The following C1GALT1 variants were observed in gnomAD, a reference collection of about 807,000 sequenced individuals.
The protein encoded by C1GALT1 is core 1 synthase, glycoprotein-N-acetylgalactosamine 3-beta-galactosyltransferase 1.
In C1GALT1, 11 loss-of-function variants were observed where a neutral mutation model predicts 31.0. The ratio of observed to expected loss-of-function variants is 0.36; its 90% CI spans 0.22 to 0.59. C1GALT1 has a LOEUF of 0.59. Among genes scored for constraint, C1GALT1 ranks in the 20% least tolerant of loss-of-function variants. The pLI is 0.79. For missense variants in C1GALT1, 424 were observed against 425.2 expected (o/e 1.00, Z 0.03); for synonymous variants, 175 against 143.6 (o/e 1.22, Z -1.56).
At chr7:7,223,278 C>T (rs1782596017) in intron 1 of C1GALT1, among the ~76,000 whole-genome samples, 1 of 152,184 alleles carries the variant, frequency 6.6e-6, no homozygotes, top group South Asian at 2.1e-4. Context: ...CCTGCTTCAA[C>T]CTCCCCAGTA....
chr7:7,208,702 T>G lies in C1GALT1; in HGVS notation c.-17-25601T>G, dbSNP rs547891913. Among the ~76,000 whole-genome samples the G allele has an allele frequency of 7.2e-4, 109 of 152,284 alleles. 2 individuals are homozygous for G. The highest frequency in any genetic ancestry group is 6.5e-3 in the Admixed American group (99 of 15,298). On this transcript the variant is annotated intron_variant, in intron 1 of 3. Coordinates refer to ENST00000436587, the MANE Select transcript of C1GALT1 (RefSeq NM_020156.5). ...GCACCTATATCTTCGTGATCAGAAGTAGCAGTCAACAGTCAGAACACCCAT... is the reference window on the plus strand; with the variant it reads ...GCACCTATATCTTCGTGATCAGAAGGAGCAGTCAACAGTCAGAACACCCAT...
chr7:7,231,087 A>C (rs1327623314), intron 1 of C1GALT1, among the ~76,000 whole-genome samples: 1 of 152,162 alleles, frequency 6.6e-6, no homozygotes, highest in Non-Finnish European at 1.5e-5. Context: ...TTTTCTGAAC[A>C]TGTTTTTAAG....
intron 1 of C1GALT1, among the ~76,000 whole-genome samples, chr7:7,199,163 TGTG>T (rs1034948694): frequency 2.6e-5 from 4 of 152,360 alleles, no homozygotes; most frequent in African/African-American, 7.2e-5. Flanking sequence ...TGCTTTCTCT[TGTG>T]GTCATTTAGT....
chr7:7,160,587 G>A (rs1780323860), intron 2 of C1GALT1, among the ~76,000 whole-genome samples: 1 of 152,130 alleles, frequency 6.6e-6, no homozygotes, highest in Admixed American at 6.6e-5. Context: ...AATTGTCTAT[G>A]TGTCTGCTAA....
intron 2 of C1GALT1, among the ~76,000 whole-genome samples, chr7:7,173,801 G>C (rs1780478111): frequency 6.6e-6 from 1 of 152,160 alleles, no homozygotes; most frequent in South Asian, 2.1e-4. Context: ...TACTCGGGAG[G>C]CTGAGACAGG....
At chr7:7,211,205 T>G (rs1172982966) in intron 1 of C1GALT1, among the ~76,000 whole-genome samples, 1 of 152,060 alleles carries the variant, frequency 6.6e-6, no homozygotes, top group Non-Finnish European at 1.5e-5. Context: ...GGCCCAGATA[T>G]CAATACAAGA....
intron 1 of C1GALT1, among the ~76,000 whole-genome samples, chr7:7,223,733 T>G (rs1370973302): frequency 6.6e-6 from 1 of 152,202 alleles, no homozygotes; most frequent in Non-Finnish European, 1.5e-5. Flanking sequence ...TCCATTACAA[T>G]CTATATGCCT....
intron 1 of C1GALT1, among the ~76,000 whole-genome samples, chr7:7,210,740 TTCCAGGAACATGTAGGGCAAGGGC>T (rs1197667630): frequency 1.3e-5 from 2 of 152,148 alleles, no homozygotes; most frequent in Non-Finnish European, 2.9e-5. Context: ...CTCGTCGGGA[TTCCAGGAACATGTAGGGCAAGGGC>T]AAGAAGGCTG....
intron 2 of C1GALT1, among the ~76,000 whole-genome samples, chr7:7,159,521 C>T (rs78931358): frequency 0.022 from 3,288 of 152,106 alleles, 113 homozygotes; most frequent in African/African-American, 0.075. Context: ...TGTTGGACTG[C>T]GCTGATTTGT....
At chr7:7,158,442 C>T (rs12536325) in intron 2 of C1GALT1, among the ~76,000 whole-genome samples, 2 of 151,906 alleles carry the variant, frequency 1.3e-5, no homozygotes, top group Non-Finnish European at 2.9e-5. Flanking sequence ...TTCACTAGCA[C>T]GTGGCCCGAG....
intron 1 of C1GALT1, among the ~76,000 whole-genome samples, chr7:7,197,154 A>C (rs958452037): frequency 1.1e-4 from 17 of 152,182 alleles, no homozygotes; most frequent in African/African-American, 3.9e-4. Flanking sequence ...AGGTTTTCTT[A>C]CAGGGTTTTT....
intron 1 of C1GALT1, among the ~76,000 whole-genome samples, chr7:7,218,706 C>T (rs1782363050): frequency 6.6e-6 from 1 of 152,128 alleles, no homozygotes; most frequent in Non-Finnish European, 1.5e-5. Context: ...GTGCTAGTGA[C>T]TATATCTTTG....
chr7:7,222,751 A>G (rs991161032), intron 1 of C1GALT1, among the ~76,000 whole-genome samples: 1 of 152,210 alleles, frequency 6.6e-6, no homozygotes, highest in Non-Finnish European at 1.5e-5. Context: ...GAAAATGTTG[A>G]TATTTTCGGA....
At chr7:7,176,879 C>T (rs767928476) in intron 2 of C1GALT1, among the ~76,000 whole-genome samples, 3 of 152,106 alleles carry the variant, frequency 2.0e-5, no homozygotes, top group East Asian at 1.9e-4. Context: ...CAATAGGAGA[C>T]GAGAAGCTCT....
At chr7:7,230,023 A>G (rs760490710) in intron 1 of C1GALT1, among the ~76,000 whole-genome samples, 19 of 152,210 alleles carry the variant, frequency 1.2e-4, no homozygotes, top group Non-Finnish European at 2.2e-4. Flanking sequence ...CTTTGCTTAT[A>G]CTGTGCTGTT....
At chr7:7,203,092 GT>G (rs35048292) in intron 1 of C1GALT1, among the ~76,000 whole-genome samples, 728 of 137,684 alleles carry the variant, frequency 5.3e-3, no homozygotes, top group African/African-American at 9.8e-3. Flanking sequence ...GTTCTAACAG[GT>G]TTTTTTTTTT....
intron 1 of C1GALT1, among the ~76,000 whole-genome samples, chr7:7,223,777 T>C (rs1782623000): frequency 6.6e-6 from 1 of 152,160 alleles, no homozygotes; most frequent in African/African-American, 2.4e-5. Context: ...TCCTTTATTA[T>C]ACTGGCTAGA....
At chr7:7,204,042 T>C (rs1781626287) in intron 1 of C1GALT1, among the ~76,000 whole-genome samples, 1 of 151,982 alleles carries the variant, frequency 6.6e-6, no homozygotes, top group South Asian at 2.1e-4. Flanking sequence ...CTGGCTTTGG[T>C]ATCAGGGTAA....
chr7:7,221,207 T>C (rs1239262117), intron 1 of C1GALT1, among the ~76,000 whole-genome samples: 1 of 152,000 alleles, frequency 6.6e-6, no homozygotes, highest in African/African-American at 2.4e-5. Context: ...TTATTTTCCA[T>C]CACCTCGTCT....
Sources: allele counts gnomAD v4.1 joint callset (sites outside exome capture counted in the v4.1 genomes callset), GRCh38; gene constraint gnomAD v4.1.1; transcripts MANE v1.5; gene names NCBI Gene and HGNC (gene_info 2026-07-23, HGNC 2026-07-21).